Variants in TRAF3IP1 observed in about 807,000 individuals in gnomAD.
TRAF3IP1 encodes the protein TRAF3-interacting protein 1.
TRAF3IP1 carries 53 observed loss-of-function variants against 89.9 expected under a neutral mutation model. The observed-to-expected ratio is 0.59, with a 90% confidence interval of 0.47 to 0.74. The LOEUF (loss-of-function observed/expected upper bound fraction) is 0.74, where lower values mean the gene tolerates loss of function less well. Ranked by LOEUF, TRAF3IP1 falls within the 30% of genes least tolerant of loss-of-function variation. TRAF3IP1 has a pLI of 0.00. For missense variants in TRAF3IP1, 806 were observed against 866.1 expected, an observed-to-expected ratio of 0.93 and a Z score of 0.87; for synonymous variants, 311 against 322.1, an observed-to-expected ratio of 0.97 and a Z score of 0.37.
At chr2:238,381,482 C>T (rs1700548942) in intron 15 of TRAF3IP1, among the ~76,000 whole-genome samples, 1 of 152,184 alleles carries the variant, frequency 6.6e-6, no homozygotes, top group Non-Finnish European at 1.5e-5. Flanking sequence ...GAGGAACTCC[C>T]AGGTTCAGGC....
chr2:238,383,655 T>G (rs2106367688), intron 15 of TRAF3IP1, among the ~76,000 whole-genome samples: 1 of 152,356 alleles, frequency 6.6e-6, no homozygotes, highest in East Asian at 1.9e-4. Flanking sequence ...TCGTCTAGAT[T>G]GTCAACATCT....
At position 238,320,770 on chromosome 2, in the gene TRAF3IP1, C is replaced by T; in HGVS notation, c.108C>T (p.His36=). The T allele has an allele frequency of 7.0e-7, 1 of 1,426,922 alleles. No individual in the cohort carries two copies. Among genetic ancestry groups the T allele is most frequent in the Non-Finnish European group, 9.3e-7 (1 of 1,076,504 alleles). 88.4% of individuals were successfully genotyped at this position (1,426,922 alleles called of 1,614,324 possible). ...LLSKPPFRYL[H]DIITEVIRMT... ...GCAAGCCCCCGTTCCGCTACCTGCA[C>T]GACATCATCACGGAGGTGGGCGCCG... Residue 36 remains histidine, a synonymous_variant, in exon 1 of 17, where the codon CAC becomes CAT. Coordinates refer to ENST00000373327, the MANE Select transcript of TRAF3IP1 (RefSeq NM_015650.4).
chr2:238,341,943 C>T (rs990077129), intron 8 of TRAF3IP1, among the ~76,000 whole-genome samples: 1 of 151,282 alleles, frequency 6.6e-6, no homozygotes, highest in African/African-American at 2.5e-5. Flanking sequence ...TGTGCTTATG[C>T]TGTGACTCTT....
At position 238,328,751 on chromosome 2, in the gene TRAF3IP1, C is replaced by T. The variant is rs891588150; in HGVS notation, c.420C>T (p.Ala140=). The change falls in exon 4 of 17, where the codon GCC becomes GCT. Residue 140 remains alanine (A), a synonymous_variant. Transcript: ENST00000373327. ...AGAAGGGAGAAGTGAAAGGCCGGGCCTCACTGACCTCAAGATCTCAGGAAT... is the reference window on the plus strand; with the variant it reads ...AGAAGGGAGAAGTGAAAGGCCGGGCTTCACTGACCTCAAGATCTCAGGAAT... The part of the protein sequence containing the change: ...AGEKGEVKGR[A]SLTSRSQELD... 6.2e-7 allele frequency: 1 copy of T among 1,613,850 alleles called. No individual in the cohort carries two copies. Among genetic ancestry groups the T allele is most frequent in the South Asian group, 1.1e-5 (1 of 91,078 alleles).
In TRAF3IP1 at chr2:238,379,725, C is replaced by T. The variant is rs1253656205; in HGVS notation, c.1690-17734C>T. On this transcript the variant is annotated intron_variant, in intron 15 of 16. Coordinates refer to ENST00000373327, the MANE Select transcript of TRAF3IP1 (RefSeq NM_015650.4). The surrounding 1 kb of genome is among the most constrained non-coding windows in gnomAD (Gnocchi z 4.0). The stretch of plus-strand genomic sequence containing the variant: ...GTTGCCCAGTAACTACCTTTTATAG[C>T]TGGTATTTTTGGAGTGATTAAATAT... 6.6e-6 allele frequency among the ~76,000 whole-genome samples: 1 copy of T among 152,114 alleles called. No individual in the cohort carries two copies. Among genetic ancestry groups the T allele is most frequent in the Admixed American group, 6.5e-5 (1 of 15,268 alleles).
intron 15 of TRAF3IP1, among the ~76,000 whole-genome samples, chr2:238,357,142 C>T (rs1699452193): frequency 6.6e-6 from 1 of 152,004 alleles, no homozygotes; most frequent in South Asian, 2.1e-4. Context: ...CGCAGTCTCC[C>T]TCACACATGT....
intron 15 of TRAF3IP1, among the ~76,000 whole-genome samples, chr2:238,375,621 G>T (rs1700282692): frequency 6.6e-6 from 1 of 152,202 alleles, no homozygotes; most frequent in African/African-American, 2.4e-5. Flanking sequence ...TTGTGGTATA[G>T]AATTCTGTAG....
At position 238,353,263 on chromosome 2, in the gene TRAF3IP1, C is replaced by T. The variant is rs1176013909; in HGVS notation, c.1612+54C>T. On this transcript the variant is annotated intron_variant, in intron 14 of 16. Transcript: ENST00000373327. ...TGTCCATGTGTGTGTGCTCATGCAC[C>T]TTCTCCACGTGGGCCTGGAAGGATC... The T allele has an allele frequency of 5.7e-6, 9 of 1,590,846 alleles. No individual in the cohort carries two copies. In the Admixed American group the frequency reaches 1.2e-4, roughly 21 times the overall value.
intron 15 of TRAF3IP1, among the ~76,000 whole-genome samples, chr2:238,392,787 G>C (rs762490830): frequency 6.6e-6 from 1 of 152,138 alleles, no homozygotes; most frequent in East Asian, 1.9e-4. Context: ...TGTTGGTCAG[G>C]CTGGTCTCGA....
chr2:238,329,169 G>A lies in TRAF3IP1; in HGVS notation c.742G>A (p.Glu248Lys). 6.4e-7 allele frequency: 1 copy of A among 1,561,084 alleles called. No homozygotes were observed. Among genetic ancestry groups the A allele is most frequent in the Non-Finnish European group, 8.7e-7 (1 of 1,156,042 alleles). Residue 248 changes from glutamate (E) to lysine (K), a missense_variant, in exon 5 of 17, where the codon GAG becomes AAG. Glu to Lys is a moderately conservative substitution (Grantham distance 56). Around this residue, in one of 3 missense-constraint regions of TRAF3IP1, gnomAD observed 732 missense variants for 780.5 expected, o/e 0.94. Transcript: ENST00000373327. The stretch of plus-strand genomic sequence containing the variant: ...GGACAGAGACTCCGAGCGCAAGAAG[G>A]AGACAGAGAGAAAGAGTGAGGGGGG... ...ERDRDSERKK[E>K]TERKSEGGKE...
At chr2:238,330,170 G>C (rs1351865344) in intron 5 of TRAF3IP1, among the ~76,000 whole-genome samples, 1 of 152,202 alleles carries the variant, frequency 6.6e-6, no homozygotes, top group African/African-American at 2.4e-5. Context: ...TGCATGTGGT[G>C]TCTTTAGGAG....
chr2:238,334,142 G>A, intron 7 of TRAF3IP1, 107 bp downstream of exon 7: 1 of 843,274 alleles, frequency 1.2e-6, no homozygotes, highest in South Asian at 1.6e-5. Flanking sequence ...CTGGAAAACA[G>A]ACTTGCTGTG....
intron 8 of TRAF3IP1, among the ~76,000 whole-genome samples, 188 bp downstream of exon 8, chr2:238,338,645 C>A (rs1350074344): frequency 6.6e-6 from 1 of 152,182 alleles, no homozygotes; most frequent in Non-Finnish European, 1.5e-5. Context: ...AGTTATGTAA[C>A]TTTATTAACT....
chr2:238,351,555 C>T lies in TRAF3IP1; in HGVS notation c.1452-1272C>T, dbSNP rs1337206698. On this transcript the variant is annotated intron_variant, in intron 12 of 16. Transcript: ENST00000373327. This position sits in a 1 kb window ranked among gnomAD's most constrained non-coding sequence, Gnocchi z 5.2. ...CTGCCGATCACGGCAGGCACAGGGGCGCAGGTGTTGAGGAGGTGGATCGTG... is the reference window on the plus strand; with the variant it reads ...CTGCCGATCACGGCAGGCACAGGGGTGCAGGTGTTGAGGAGGTGGATCGTG... Among the ~76,000 whole-genome samples the T allele has an allele frequency of 1.3e-5, 2 of 151,908 alleles. No individual in the cohort carries two copies. Among genetic ancestry groups the T allele is most frequent in the African/African-American group, 2.4e-5 (1 of 41,344 alleles).
Position 238,334,648 on chromosome 2 carries a change from A to G in TRAF3IP1, c.1063+613A>G, listed in dbSNP as rs866713400. Among the ~76,000 whole-genome samples, 3 of 152,368 alleles carry G rather than the reference A, an allele frequency of 2.0e-5. No individual in the cohort carries two copies. In the South Asian group the frequency reaches 6.2e-4, roughly 32 times the overall value. On this transcript the variant is annotated intron_variant, in intron 7 of 16. Transcript: ENST00000373327. ...GAGCAGTGCTAGTTTCTGAAAAATC[A>G]TCCTTTTCCTAAAGTGTGTAAGTTA...
In TRAF3IP1 at chr2:238,345,410, A is replaced by C. The variant is rs375688063; in HGVS notation, c.1261+812A>C. Among the ~76,000 whole-genome samples the C allele has an allele frequency of 8.5e-5, 13 of 152,294 alleles. No homozygotes were observed. In the East Asian group the frequency reaches 2.5e-3, roughly 29 times the overall value. On this transcript the variant is annotated intron_variant, in intron 9 of 16. Coordinates refer to ENST00000373327, the MANE Select transcript of TRAF3IP1 (RefSeq NM_015650.4). This position sits in a 1 kb window ranked among gnomAD's most constrained non-coding sequence, Gnocchi z 4.7. ...TGGCCCAGAAAGCCTGCAGGGCAGA[A>C]GGGGCTGTATAAACCAAGATCCCGG...
rs369769728 is a variant in TRAF3IP1 at position 238,361,049 on chromosome 2, C to CT, written c.1689+4983dup. ...TGACTTTGCCTTTTTATTTAAAAAACTTTTTTTTTTTTTTGAAACAGAGTC... is the reference window on the plus strand; with the variant it reads ...TGACTTTGCCTTTTTATTTAAAAAACTTTTTTTTTTTTTTTGAAACAGAGTC... On this transcript the variant is annotated intron_variant, in intron 15 of 16. Coordinates refer to ENST00000373327, the MANE Select transcript of TRAF3IP1 (RefSeq NM_015650.4). 5.4e-3 allele frequency among the ~76,000 whole-genome samples: 780 copies of CT among 143,382 alleles called. 4 individuals are homozygous for CT. The highest frequency in any genetic ancestry group is 0.013 in the African/African-American group (524 of 39,404). 94.1% of individuals were successfully genotyped at this position (143,382 alleles called of 152,430 possible). A position where few individuals can be genotyped will look rare whatever the true frequency, so the allele number is the denominator to read the frequency against.
At position 238,332,805 on chromosome 2, in the gene TRAF3IP1, T is replaced by A. The variant is rs779858486; in HGVS notation, c.916-19T>A. The stretch of plus-strand genomic sequence containing the variant: ...GATTGGAATAATTCTAAAGTTTGAA[T>A]TTTTTTTTTTTTTAATAGTCAGCAA... On this transcript the variant is annotated intron_variant, in intron 5 of 16. Coordinates refer to ENST00000373327, the MANE Select transcript of TRAF3IP1 (RefSeq NM_015650.4). The A allele has an allele frequency of 1.2e-5, 5 of 402,860 alleles. No homozygotes were observed. Among genetic ancestry groups the A allele is most frequent in the Non-Finnish European group, 1.9e-5 (5 of 264,502 alleles). 25.0% of individuals were successfully genotyped at this position (402,860 alleles called of 1,614,324 possible).
chr2:238,359,654 T>C (rs1174426122), intron 15 of TRAF3IP1, among the ~76,000 whole-genome samples: 1 of 152,228 alleles, frequency 6.6e-6, no homozygotes, highest in Non-Finnish European at 1.5e-5. Context: ...GCTTCTAGTT[T>C]GGACTATTAT....
Sources: allele counts gnomAD v4.1 joint callset (sites outside exome capture counted in the v4.1 genomes callset), GRCh38; gene constraint gnomAD v4.1.1; regional missense constraint gnomAD v4.1.1; non-coding constraint Gnocchi (gnomAD v3.1); transcripts MANE v1.5; gene names NCBI Gene and HGNC (gene_info 2026-07-23, HGNC 2026-07-21).